The following INPP4B variants were observed in gnomAD, a reference collection of about 807,000 sequenced individuals.
INPP4B encodes inositol polyphosphate-4-phosphatase type II B, also known as inositol polyphosphate 4-phosphatase type II.
Under a neutral mutation model 122.5 loss-of-function variants are expected in INPP4B, and 55 were observed. The ratio of observed to expected loss-of-function variants is 0.45; its 90% CI spans 0.36 to 0.56. The LOEUF is 0.56. INPP4B is among the 20% of genes least tolerant of loss of function. The pLI is 0.00. For missense variants in INPP4B, 1,000 were observed against 1,097.7 expected, an observed-to-expected ratio of 0.91 and a Z score of 1.26; for synonymous variants, 403 against 388.7, an observed-to-expected ratio of 1.04 and a Z score of -0.43.
chr4:142,413,432 G>A (rs1273885109), intron 5 of INPP4B, among the ~76,000 whole-genome samples: 1 of 151,964 alleles, frequency 6.6e-6, no homozygotes, highest in African/African-American at 2.4e-5. Flanking sequence ...AATAAATAAA[G>A]CCATCCTAAT....
chr4:142,259,110 A>T (rs1278861214), intron 11 of INPP4B, among the ~76,000 whole-genome samples: 1 of 150,670 alleles, frequency 6.6e-6, no homozygotes, highest in Non-Finnish European at 1.5e-5. Flanking sequence ...AAGAGCAAAA[A>T]ACCAAACACC....
At chr4:142,838,182 A>G (rs1198260964) in intron 1 of INPP4B, among the ~76,000 whole-genome samples, 1 of 151,678 alleles carries the variant, frequency 6.6e-6, no homozygotes, top group African/African-American at 2.4e-5. Context: ...TCACACACAT[A>G]CACACACACA....
At chr4:142,458,303 A>G (rs1385751428) in intron 3 of INPP4B, among the ~76,000 whole-genome samples, 38 of 152,202 alleles carry the variant, frequency 2.5e-4, no homozygotes, top group Non-Finnish European at 4.4e-5. Context: ...GGACAGGAAG[A>G]GGGAAGTTTT....
At chr4:142,293,361 G>A (rs530795061) in intron 9 of INPP4B, among the ~76,000 whole-genome samples, 6 of 151,912 alleles carry the variant, frequency 3.9e-5, no homozygotes, top group South Asian at 4.2e-4. Context: ...GGAACTTAGC[G>A]GATCAACCAC....
intron 8 of INPP4B, among the ~76,000 whole-genome samples, chr4:142,309,225 C>T (rs1764522920): frequency 6.6e-6 from 1 of 152,034 alleles, no homozygotes; most frequent in Non-Finnish European, 1.5e-5. Context: ...GCAGCTTAAA[C>T]ACTTTTGGGA....
intron 25 of INPP4B, among the ~76,000 whole-genome samples, chr4:142,043,005 A>G (rs2645810): frequency 0.8 from 121,544 of 152,066 alleles, 50,525 homozygotes; most frequent in East Asian, 0.92. Context: ...TATATTCTCA[A>G]ATACTAACCT....
chr4:142,299,827 T>C (rs992370555), intron 9 of INPP4B, among the ~76,000 whole-genome samples: 8 of 151,190 alleles, frequency 5.3e-5, no homozygotes, highest in Admixed American at 4.6e-4. Flanking sequence ...ACTGGAAGAC[T>C]ATTAAAAGAG....
At chr4:142,343,087 A>G (rs1045736462) in intron 7 of INPP4B, among the ~76,000 whole-genome samples, 5 of 152,134 alleles carry the variant, frequency 3.3e-5, no homozygotes, top group Non-Finnish European at 7.4e-5. Context: ...GAGAAAACTA[A>G]AATTTCATCC....
chr4:142,768,745 G>C (rs1772551769), intron 1 of INPP4B, among the ~76,000 whole-genome samples: 1 of 152,286 alleles, frequency 6.6e-6, no homozygotes, highest in Non-Finnish European at 1.5e-5. Flanking sequence ...AGAACAGCCA[G>C]GGGATCAAAA....
At chr4:142,313,878 C>T (rs1249467431) in intron 8 of INPP4B, among the ~76,000 whole-genome samples, 1 of 152,144 alleles carries the variant, frequency 6.6e-6, no homozygotes, top group Non-Finnish European at 1.5e-5. Context: ...AACTTTGGTG[C>T]ATGTTTTTGG....
chr4:142,091,866 T>C (rs553296021), intron 23 of INPP4B, among the ~76,000 whole-genome samples: 1 of 152,316 alleles, frequency 6.6e-6, no homozygotes, highest in Non-Finnish European at 1.5e-5. Context: ...CAAATAACTG[T>C]GTGGCCAGAA....
intron 2 of INPP4B, among the ~76,000 whole-genome samples, chr4:142,516,104 C>T (rs1459014160): frequency 1.3e-5 from 2 of 152,072 alleles, no homozygotes; most frequent in African/African-American, 4.8e-5. Flanking sequence ...AAGAAATTCA[C>T]CAGATTTCTT....
intron 2 of INPP4B, among the ~76,000 whole-genome samples, chr4:142,682,437 A>G (rs1344270473): frequency 1.3e-5 from 2 of 151,960 alleles, no homozygotes; most frequent in Non-Finnish European, 2.9e-5. Flanking sequence ...AAAACTCTGA[A>G]AAAGAAGGGA....
chr4:142,671,088 C>A (rs1421092845), intron 2 of INPP4B, among the ~76,000 whole-genome samples: 3 of 152,064 alleles, frequency 2.0e-5, no homozygotes, highest in African/African-American at 7.2e-5. Flanking sequence ...ATAATTATTT[C>A]TAGGGCACTA....
At chr4:142,425,506 G>C (rs187806249) in intron 5 of INPP4B, among the ~76,000 whole-genome samples, 1 of 151,592 alleles carries the variant, frequency 6.6e-6, no homozygotes, top group African/African-American at 2.4e-5. Flanking sequence ...ACTACCCTTC[G>C]ATCCCAGTAT....
In INPP4B at chr4:142,759,825, T is replaced by TAAAAAAAAAAAAAA. The variant is rs70949188; in HGVS notation, c.-253-33938_-253-33925dup. The stretch of plus-strand genomic sequence containing the variant: ...CCCAGAGCTTATATAGAGCTTTTTC[T>TAAAAAAAAAAAAAA]AAAAAAAAAAAAAAAAAAAAAAAAA... On this transcript the variant is annotated intron_variant, in intron 1 of 25. Transcript: ENST00000262992. 2.3e-3 allele frequency among the ~76,000 whole-genome samples: 162 copies of TAAAAAAAAAAAAAA among 70,022 alleles called. 1 individual carries two copies. The highest frequency in any genetic ancestry group is 3.6e-3 in the Non-Finnish European group (137 of 38,574). 45.9% of individuals were successfully genotyped at this position (70,022 alleles called of 152,430 possible).
intron 2 of INPP4B, among the ~76,000 whole-genome samples, chr4:142,614,248 A>G (rs1197751593): frequency 6.6e-6 from 1 of 152,098 alleles, no homozygotes; most frequent in Non-Finnish European, 1.5e-5. Context: ...CAAACCCAAA[A>G]TAAAGCTACA....
At chr4:142,707,914 G>C (rs2150783074) in intron 2 of INPP4B, among the ~76,000 whole-genome samples, 1 of 152,332 alleles carries the variant, frequency 6.6e-6, no homozygotes, top group African/African-American at 2.4e-5. Flanking sequence ...GAACTCCCTA[G>C]AGACTTGTTA....
At chr4:142,169,764 T>C (rs1024323572) in intron 16 of INPP4B, among the ~76,000 whole-genome samples, 8 of 151,724 alleles carry the variant, frequency 5.3e-5, no homozygotes, top group African/African-American at 1.9e-4. Flanking sequence ...CCCATTCTTT[T>C]AAATTCTTAG....
Sources: gnomAD v4.1 joint callset for allele counts (sites outside exome capture counted in the v4.1 genomes callset) on GRCh38, gnomAD v4.1.1 for gene constraint, MANE v1.5 for transcripts, NCBI Gene and HGNC (gene_info 2026-07-23, HGNC 2026-07-21) for gene names.